Variants in NF1 observed in about 807,000 individuals in gnomAD.
NF1 encodes neurofibromin.
A neutral mutation model predicts 325.7 loss-of-function variants in NF1; 122 were observed. That is an observed-to-expected ratio of 0.37 (90% CI 0.32 to 0.44). The LOEUF (loss-of-function observed/expected upper bound fraction) is 0.44, where lower values mean the gene tolerates loss of function less well. Among genes scored for constraint, NF1 ranks in the 20% least tolerant of loss-of-function variants. The pLI is 1.00. For synonymous variants in NF1, 1,091 were observed against 1,186.0 expected (o/e 0.92, Z 1.65); for missense variants, 2,140 against 3,415.4 (o/e 0.63, Z 9.31).
In NF1 at chr17:31,338,737, T is replaced by C; in HGVS notation, c.6853T>C (p.Tyr2285His). The C allele has an allele frequency of 6.2e-7, 1 of 1,613,360 alleles. No homozygotes were observed. Residue 2285 changes from tyrosine to histidine, a missense_variant, in exon 46 of 58, where the codon TAC becomes CAC. By Grantham distance (83) the Tyr-to-His change is moderately conservative. This residue lies in a region of NF1 where 522 missense variants were observed against 749.0 expected (regional missense o/e 0.70). Transcript: ENST00000358273. ...GAGTTGCTTAAAAGGACCTGACACT[T>C]ACAACAGTCAAGTTCTGATAGAAGC... Reference protein sequence around the residue: ...LESCLKGPDTYNSQVLIEATV... With the variant: ...LESCLKGPDTHNSQVLIEATV...
intron 36 of NF1, among the ~76,000 whole-genome samples, chr17:31,287,056 G>A (rs991990580): frequency 6.6e-6 from 1 of 152,210 alleles, no homozygotes; most frequent in Non-Finnish European, 1.5e-5. Flanking sequence ...TGGTATCCAT[G>A]TGAAATGTTC....
chr17:31,146,220 G>C (rs541451728), intron 1 of NF1, among the ~76,000 whole-genome samples: 3 of 152,290 alleles, frequency 2.0e-5, no homozygotes, highest in Non-Finnish European at 4.4e-5. Context: ...CTCATTGGTT[G>C]TTGGCAGACG....
rs2070745246 is a variant in NF1 at position 31,377,268 on chromosome 17, T to C, written c.*3113T>C. ...ACTATACTGTAAATATATGTGATGA[T>C]ATATTGTATTATTTTGCTTTTTTGT... On this transcript the variant is annotated 3_prime_UTR_variant, in exon 58 of 58. Coordinates refer to ENST00000358273, the MANE Select transcript of NF1 (RefSeq NM_001042492.3). 4.3e-6 allele frequency: 1 copy of C among 233,356 alleles called. No individual in the cohort carries two copies. The highest frequency in any genetic ancestry group is 1.8e-4 in the South Asian group (1 of 5,520). The allele number at this position is 233,356 out of a possible 1,614,324, so 14.5% of individuals were successfully genotyped here. A position where few individuals can be genotyped will look rare whatever the true frequency, so the allele number is the denominator to read the frequency against.
At chr17:31,340,466 G>A in intron 46 of NF1, 39 bp from the exon 47 acceptor site, 1 of 1,613,846 alleles carries the variant, frequency 6.2e-7, no homozygotes, top group African/African-American at 1.3e-5. Context: ...ACTATGTCAT[G>A]ATTCATCTTA....
In NF1 at chr17:31,278,407, GTTTTTTTTT is replaced by G. The variant is rs376109355; in HGVS notation, c.4835+13082_4835+13090del. ...TCTTTGGTCTTTTTGGATTTTTTGG[GTTTTTTTTT>G]TTTTTTTTTTTTTGAAAAGAACACA... On this transcript the variant is annotated intron_variant, in intron 36 of 57. Coordinates refer to ENST00000358273, the MANE Select transcript of NF1 (RefSeq NM_001042492.3). Among the ~76,000 whole-genome samples, 11 of 109,556 alleles carry G rather than the reference GTTTTTTTTT, an allele frequency of 1.0e-4. No individual in the cohort carries two copies. In the East Asian group the frequency reaches 1.7e-3, roughly 16 times the overall value. 71.9% of individuals were successfully genotyped at this position (109,556 alleles called of 152,430 possible).
At chr17:31,279,106 G>A (rs1419182876) in intron 36 of NF1, among the ~76,000 whole-genome samples, 1 of 152,082 alleles carries the variant, frequency 6.6e-6, no homozygotes, top group Non-Finnish European at 1.5e-5. Flanking sequence ...TTAGCCAGGT[G>A]TGGTGGCACA....
chr17:31,200,320 A>G lies in NF1; in HGVS notation c.889-102A>G, dbSNP rs1407044462. 6.0e-6 allele frequency: 6 copies of G among 1,006,010 alleles called. No individual in the cohort carries two copies. In the East Asian group the frequency reaches 1.3e-4, roughly 22 times the overall value. The allele number at this position is 1,006,010 out of a possible 1,614,324, so 62.3% of individuals were successfully genotyped here. ...CACAAATATAAATTATGCATTCTTT[A>G]TAGTATGAGTTTTAGAGGCTGTTAA... On this transcript the variant is annotated intron_variant, in intron 8 of 57. Coordinates refer to ENST00000358273, the MANE Select transcript of NF1 (RefSeq NM_001042492.3).
intron 1 of NF1, among the ~76,000 whole-genome samples, chr17:31,097,583 T>C (rs1210622514): frequency 6.6e-6 from 1 of 152,216 alleles, no homozygotes; most frequent in East Asian, 1.9e-4. Flanking sequence ...TTATGCATAT[T>C]GTGGAATCAA....
intron 1 of NF1, among the ~76,000 whole-genome samples, chr17:31,123,057 C>T (rs1471801674): frequency 6.6e-6 from 1 of 152,178 alleles, no homozygotes; most frequent in East Asian, 1.9e-4. Flanking sequence ...GGTGCTTGAA[C>T]TGCCATGTTA....
At chr17:31,312,179 C>CT (rs1361650009) in intron 36 of NF1, among the ~76,000 whole-genome samples, 2 of 151,952 alleles carry the variant, frequency 1.3e-5, no homozygotes, top group Non-Finnish European at 2.9e-5. Flanking sequence ...AACACAGGCA[C>CT]TACTAGTAAA....
At position 31,235,650 on chromosome 17, in the gene NF1, C is replaced by T. The variant is rs1452005208; in HGVS notation, c.3748C>T (p.Arg1250Trp). The T allele has an allele frequency of 3.7e-6, 6 of 1,613,968 alleles. No individual in the cohort carries two copies. Among genetic ancestry groups the T allele is most frequent in the Non-Finnish European group, 5.1e-6 (6 of 1,180,006 alleles). Residue 1250 changes from arginine (R) to tryptophan (W), a missense_variant, in exon 28 of 58, where the codon CGG (arginine) becomes TGG (tryptophan). Arg to Trp is a moderately radical substitution (Grantham distance 101, BLOSUM62 -3). Coordinates refer to ENST00000358273, the MANE Select transcript of NF1 (RefSeq NM_001042492.3). ...ARVLVTLFDS[R>W]HLLYQLLWNM... ...AGTTCTGGTTACTCTGTTTGATTCT[C>T]GGCATTTACTCTACCAACTGCTCTG...
intron 50 of NF1, among the ~76,000 whole-genome samples, chr17:31,351,740 A>C (rs1270509551): frequency 6.6e-6 from 1 of 152,208 alleles, no homozygotes; most frequent in Non-Finnish European, 1.5e-5. Flanking sequence ...TTAAAACATC[A>C]TGTTGTACAC....
intron 36 of NF1, chr17:31,297,237 T>C (rs866853615): frequency 6.6e-6 from 1 of 152,398 alleles, no homozygotes; most frequent in African/African-American, 2.4e-5. Context: ...CGGAACTGTT[T>C]CTGGCTGTGG....
intron 27 of NF1, among the ~76,000 whole-genome samples, chr17:31,235,195 G>C (rs2067179219): frequency 1.3e-5 from 2 of 152,134 alleles, no homozygotes; most frequent in African/African-American, 4.8e-5. Context: ...TTCCCCGACT[G>C]TATGAGAAGA....
At position 31,222,464 on chromosome 17, in the gene NF1, A is replaced by T. The variant is rs2066941915; in HGVS notation, c.1721+535A>T. 2.9e-6 allele frequency: 3 copies of T among 1,031,610 alleles called. No homozygotes were observed. The East Asian group carries it at 1.8e-4, about 63-fold the overall frequency. 63.9% of individuals were successfully genotyped at this position (1,031,610 alleles called of 1,614,324 possible). On this transcript the variant is annotated intron_variant, in intron 15 of 57. Transcript: ENST00000358273. ...AGCATGAAGTCACCACACGGAGGAAAATGTAAATGTGTAAACCTCAAGTTT... is the reference window on the plus strand; with the variant it reads ...AGCATGAAGTCACCACACGGAGGAATATGTAAATGTGTAAACCTCAAGTTT...
Position 31,376,865 on chromosome 17 carries a change from C to G in NF1, c.*2710C>G, listed in dbSNP as rs965285446. 4.3e-6 allele frequency: 1 copy of G among 233,100 alleles called. No individual in the cohort carries two copies. Among genetic ancestry groups the G allele is most frequent in the African/African-American group, 2.2e-5 (1 of 45,320 alleles). 14.4% of individuals were successfully genotyped at this position (233,100 alleles called of 1,614,324 possible). A position where few individuals can be genotyped will look rare whatever the true frequency, so the allele number is the denominator to read the frequency against. On this transcript the variant is annotated 3_prime_UTR_variant, in exon 58 of 58. Transcript: ENST00000358273. ...TAGTTGCCCAGATGGAGATGCAGTTCAGTAGATTTGGGGCAAAGTGGCTAC... is the reference window on the plus strand; with the variant it reads ...TAGTTGCCCAGATGGAGATGCAGTTGAGTAGATTTGGGGCAAAGTGGCTAC...
chr17:31,353,308 C>T (rs1255158055), intron 51 of NF1, among the ~76,000 whole-genome samples: 1 of 152,162 alleles, frequency 6.6e-6, no homozygotes, highest in African/African-American at 2.4e-5. Flanking sequence ...AGACTCATTT[C>T]CATTTTAGTA....
At chr17:31,159,352 T>C (rs2143648677) in intron 3 of NF1, among the ~76,000 whole-genome samples, 1 of 152,302 alleles carries the variant, frequency 6.6e-6, no homozygotes, top group South Asian at 2.1e-4. Context: ...GTCTCTCAGG[T>C]TTTTAGGAAA....
chr17:31,315,666 A>G (rs1228096043), intron 36 of NF1, among the ~76,000 whole-genome samples: 9 of 152,190 alleles, frequency 5.9e-5, no homozygotes, highest in Non-Finnish European at 5.9e-5. Flanking sequence ...AATGGAGATC[A>G]TAATTCCTAA....
Sources: gnomAD v4.1 joint callset for allele counts (sites outside exome capture counted in the v4.1 genomes callset) on GRCh38, gnomAD v4.1.1 for gene constraint, gnomAD v4.1.1 regional missense constraint, MANE v1.5 for transcripts, NCBI Gene and HGNC (gene_info 2026-07-23, HGNC 2026-07-21) for gene names.